ENTREP2: variants seen among roughly 807,000 people sequenced by gnomAD.
The protein encoded by ENTREP2 is protein ENTREP2.
the ENTREP2 span, among the ~76,000 whole-genome samples, chr15:29,571,030 G>A: frequency 6.8e-6 from 1 of 146,220 alleles, no homozygotes; most frequent in Non-Finnish European, 1.5e-5. Flanking sequence ...GCGAGCCGCC[G>A]CCGCTGCTGC....
chr15:29,158,405 C>CCT, the ENTREP2 span, among the ~76,000 whole-genome samples: 3 of 133,174 alleles, frequency 2.3e-5, no homozygotes, highest in African/African-American at 5.7e-5. Context: ...TTATCTCTGC[C>CCT]TTTTTTTTTT....
the ENTREP2 span, among the ~76,000 whole-genome samples, chr15:29,332,560 C>T: frequency 6.0e-3 from 914 of 152,212 alleles, 17 homozygotes; most frequent in African/African-American, 0.021. Flanking sequence ...AATAAATAAC[C>T]GTGGTAAGAA....
At chr15:29,570,484 C>A in the ENTREP2 span, 1 of 1,287,534 alleles carries the variant, frequency 7.8e-7, no homozygotes, top group East Asian at 3.3e-5. Flanking sequence ...AGCCCGTCCC[C>A]GCCTGGTCGC....
chr15:29,249,400 A>AAT, the ENTREP2 span, among the ~76,000 whole-genome samples: 1 of 152,220 alleles, frequency 6.6e-6, no homozygotes, highest in Admixed American at 6.5e-5. Flanking sequence ...AAATACATTA[A>AAT]ATATATATGT....
chr15:29,445,731 C>A, the ENTREP2 span, among the ~76,000 whole-genome samples: 17 of 152,286 alleles, frequency 1.1e-4, no homozygotes, highest in East Asian at 3.1e-3. Flanking sequence ...TTGAGCCATG[C>A]CAGCCATCCC....
the ENTREP2 span, among the ~76,000 whole-genome samples, chr15:29,508,711 C>T: frequency 6.6e-6 from 1 of 152,118 alleles, no homozygotes; most frequent in Admixed American, 6.6e-5. Flanking sequence ...CCCCTTCATG[C>T]TAAAAACTGT....
At chr15:29,649,389 T>C in the ENTREP2 span, among the ~76,000 whole-genome samples, 1 of 152,130 alleles carries the variant, frequency 6.6e-6, no homozygotes. Flanking sequence ...TTACATACAA[T>C]TTATTTCAGA....
the ENTREP2 span, among the ~76,000 whole-genome samples, chr15:29,139,001 G>A: frequency 6.6e-6 from 1 of 152,094 alleles, no homozygotes; most frequent in African/African-American, 2.4e-5. Context: ...GGGCACTGGG[G>A]AGCCTGTAAG....
chr15:29,412,056 C>T, the ENTREP2 span, among the ~76,000 whole-genome samples: 2 of 152,076 alleles, frequency 1.3e-5, no homozygotes, highest in South Asian at 2.1e-4. Context: ...TGGCCTATGG[C>T]TCTGTCATAT....
the ENTREP2 span, among the ~76,000 whole-genome samples, chr15:29,488,097 C>G: frequency 6.6e-6 from 1 of 150,966 alleles, no homozygotes; most frequent in Non-Finnish European, 1.5e-5. Context: ...AACACACACA[C>G]TGGACTTACT....
chr15:29,622,039 A>C, the ENTREP2 span, among the ~76,000 whole-genome samples: 15 of 152,088 alleles, frequency 9.9e-5, no homozygotes, highest in African/African-American at 3.4e-4. Context: ...AGAAAGTAAC[A>C]TGGTGGTTGC....
At chr15:29,132,511 G>A in the ENTREP2 span, among the ~76,000 whole-genome samples, 2 of 152,076 alleles carry the variant, frequency 1.3e-5, no homozygotes, top group Non-Finnish European at 2.9e-5. Context: ...GGGAGCTGGG[G>A]GTCTCCGAGC....
the ENTREP2 span, among the ~76,000 whole-genome samples, chr15:29,408,983 T>C: frequency 6.6e-6 from 1 of 152,208 alleles, no homozygotes; most frequent in African/African-American, 2.4e-5. Context: ...TAAAATATAC[T>C]AATTATTAAT....
the ENTREP2 span, among the ~76,000 whole-genome samples, chr15:29,301,596 C>A: frequency 6.6e-6 from 1 of 152,118 alleles, no homozygotes. Flanking sequence ...TAAGGAGAGG[C>A]ATGGTTGTAC....
the ENTREP2 span, among the ~76,000 whole-genome samples, chr15:29,201,700 T>C: frequency 2.6e-5 from 4 of 152,220 alleles, no homozygotes; most frequent in Non-Finnish European, 5.9e-5. Flanking sequence ...GATTTTTGTA[T>C]CTATATTACA....
chr15:29,365,502 C>A, the ENTREP2 span, among the ~76,000 whole-genome samples: 1 of 152,060 alleles, frequency 6.6e-6, no homozygotes, highest in Non-Finnish European at 1.5e-5. Flanking sequence ...ATCCACCTGC[C>A]TCGGCTCCCA....
At chr15:29,587,355 A>G in the ENTREP2 span, among the ~76,000 whole-genome samples, 1 of 152,064 alleles carries the variant, frequency 6.6e-6, no homozygotes, top group African/African-American at 2.4e-5. Context: ...AGAGCTGTGA[A>G]AGACTGTTAT....
the ENTREP2 span, among the ~76,000 whole-genome samples, chr15:29,428,119 G>T: frequency 1.3e-5 from 2 of 152,104 alleles, no homozygotes; most frequent in Admixed American, 6.6e-5. Context: ...GAATCATTGG[G>T]GAAAAATACA....
the ENTREP2 span, among the ~76,000 whole-genome samples, chr15:29,401,512 G>A: frequency 6.6e-6 from 1 of 152,184 alleles, no homozygotes; most frequent in Non-Finnish European, 1.5e-5. Context: ...CCCAGTGATG[G>A]CAAAGGGCAG....
Sources: gnomAD v4.1 joint callset for allele counts (sites outside exome capture counted in the v4.1 genomes callset) on GRCh38, gnomAD v4.1.1 for gene constraint, MANE v1.5 for transcripts, NCBI Gene and HGNC (gene_info 2026-07-23, HGNC 2026-07-21) for gene names.